Variants in SCFD1 observed in about 807,000 individuals in gnomAD.
SCFD1 encodes sec1 family domain-containing protein 1.
Under a neutral mutation model 103.2 loss-of-function variants are expected in SCFD1, and 37 were observed. The observed-to-expected ratio is 0.36, with a 90% CI of 0.28 to 0.47. The LOEUF (loss-of-function observed/expected upper bound fraction) is 0.47. SCFD1 is among the 20% of genes least tolerant of loss of function. The pLI, the probability that SCFD1 is intolerant of heterozygous loss-of-function variation, is 1.00. For synonymous variants in SCFD1, 264 were observed against 245.0 expected, an observed-to-expected ratio of 1.08 and a Z score of -0.73; for missense variants, 639 against 761.2, an observed-to-expected ratio of 0.84 and a Z score of 1.89.
intron 11 of SCFD1, among the ~76,000 whole-genome samples, chr14:30,673,045 A>T (rs565540060): frequency 6.6e-6 from 1 of 152,302 alleles, no homozygotes; most frequent in South Asian, 2.1e-4. Context: ...TGTATATTAT[A>T]TGCATTTTAA....
intron 8 of SCFD1, among the ~76,000 whole-genome samples, chr14:30,650,282 T>C (rs1886277561): frequency 6.6e-6 from 1 of 152,120 alleles, no homozygotes; most frequent in Admixed American, 6.5e-5. Flanking sequence ...GTGTGCGTCA[T>C]TACTGCAAAT....
chr14:30,666,183 A>C (rs1887949006), intron 10 of SCFD1, among the ~76,000 whole-genome samples: 1 of 152,104 alleles, frequency 6.6e-6, no homozygotes, highest in South Asian at 2.1e-4. Context: ...AATGTAAAAG[A>C]ACAGAAATCA....
chr14:30,719,882 A>T (rs1433400685), intron 21 of SCFD1, among the ~76,000 whole-genome samples: 1 of 145,072 alleles, frequency 6.9e-6, no homozygotes, highest in African/African-American at 2.6e-5. Context: ...CCTTATGGAT[A>T]TTATTTTTCA....
chr14:30,732,595 A>C (rs1174955697), intron 23 of SCFD1, among the ~76,000 whole-genome samples: 1 of 152,206 alleles, frequency 6.6e-6, no homozygotes, highest in East Asian at 1.9e-4. Flanking sequence ...CCTTCCTCAC[A>C]TCATTAGAAA....
chr14:30,731,522 C>T (rs1451276525), intron 23 of SCFD1, among the ~76,000 whole-genome samples: 1 of 152,088 alleles, frequency 6.6e-6, no homozygotes, highest in Non-Finnish European at 1.5e-5. Context: ...TCCTCTTTTA[C>T]TTCGTTGAGC....
chr14:30,710,212 T>C (rs1383906435), intron 19 of SCFD1, among the ~76,000 whole-genome samples: 1 of 151,844 alleles, frequency 6.6e-6, no homozygotes, highest in Non-Finnish European at 1.5e-5. Flanking sequence ...TTTTTTAATA[T>C]TGCAAATAAC....
At chr14:30,683,019 C>A in intron 14 of SCFD1, 2 of 1,268,050 alleles carry the variant, frequency 1.6e-6, no homozygotes, top group Non-Finnish European at 2.2e-6. Flanking sequence ...AAAAAGACGA[C>A]ACAAGGACAG....
chr14:30,627,876 ACTTAC>A (rs1883681295), intron 1 of SCFD1, among the ~76,000 whole-genome samples: 1 of 148,788 alleles, frequency 6.7e-6, no homozygotes, highest in African/African-American at 2.5e-5. Flanking sequence ...AAAAAAAAAG[ACTTAC>A]CTTAATCTAT....
chr14:30,637,599 G>T (rs187947466), intron 4 of SCFD1, among the ~76,000 whole-genome samples: 3 of 152,034 alleles, frequency 2.0e-5, no homozygotes, highest in African/African-American at 7.2e-5. Flanking sequence ...TGGTTATTTC[G>T]ATATCTATTT....
At chr14:30,633,907 G>T in intron 3 of SCFD1, 40 bp from the exon 4 acceptor site, 1 of 1,184,242 alleles carries the variant, frequency 8.4e-7, no homozygotes, top group Non-Finnish European at 1.2e-6. Flanking sequence ...TTTTAAATAA[G>T]TGAATAAAAA....
rs1401884927 is a variant in SCFD1 at position 30,630,513 on chromosome 14, TCTC to T, written c.173_175del (p.Pro58del). On this transcript the variant is annotated inframe_deletion, in exon 3 of 25. Transcript: ENST00000458591. ...TGACAGATTTGGCCAAGATATAATC[TCTC>T]CTCTGCTATCTGTGAAGGAGCTAAG... The T allele has an allele frequency of 6.2e-7, 1 of 1,604,890 alleles. No homozygotes were observed. Among genetic ancestry groups the T allele is most frequent in the Non-Finnish European group, 8.5e-7 (1 of 1,172,296 alleles).
intron 23 of SCFD1, among the ~76,000 whole-genome samples, chr14:30,729,427 C>A (rs1461972003): frequency 6.6e-6 from 1 of 152,110 alleles, no homozygotes. Flanking sequence ...CCAGTTGTTC[C>A]ACTGCCATCT....
chr14:30,646,239 T>G (rs1203136978), intron 7 of SCFD1, among the ~76,000 whole-genome samples: 1 of 151,666 alleles, frequency 6.6e-6, no homozygotes, highest in East Asian at 1.9e-4. Flanking sequence ...GTCAGGATGG[T>G]CTCAATCTCT....
chr14:30,624,081 G>A (rs2138962110), intron 1 of SCFD1, among the ~76,000 whole-genome samples: 1 of 152,228 alleles, frequency 6.6e-6, no homozygotes, highest in African/African-American at 2.4e-5. Flanking sequence ...CCTGTTTCTT[G>A]CTTTGCCTGC....
At chr14:30,643,224 T>C in intron 6 of SCFD1, 92 bp from the exon 7 acceptor site, 1 of 876,380 alleles carries the variant, frequency 1.1e-6, no homozygotes, top group East Asian at 2.5e-5. Flanking sequence ...TTATTATATG[T>C]CAATTAAGAA....
At chr14:30,715,759 G>A (rs1284919522) in intron 19 of SCFD1, 165 bp from the exon 20 acceptor site, 9 of 525,342 alleles carry the variant, frequency 1.7e-5, no homozygotes, top group African/African-American at 4.0e-5. Context: ...GTAGTGCCAA[G>A]AGTATTTACA....
intron 9 of SCFD1, chr14:30,652,483 C>T (rs1886492298): frequency 6.6e-6 from 1 of 151,928 alleles, no homozygotes; most frequent in Non-Finnish European, 1.5e-5. Context: ...AGGCTCTTCT[C>T]CAGAGTCTGC....
intron 10 of SCFD1, chr14:30,657,986 A>C (rs1028414674): frequency 9.9e-6 from 4 of 403,508 alleles, no homozygotes; most frequent in African/African-American, 8.5e-5. Context: ...AAAAAAGAAA[A>C]AGCAACTTTG....
At chr14:30,636,096 G>C (rs1388244101) in intron 4 of SCFD1, among the ~76,000 whole-genome samples, 1 of 152,002 alleles carries the variant, frequency 6.6e-6, no homozygotes. Flanking sequence ...TAATTGGGTT[G>C]TCTTTTTATT....
Sources: allele counts gnomAD v4.1 joint callset (sites outside exome capture counted in the v4.1 genomes callset), GRCh38; gene constraint gnomAD v4.1.1; transcripts MANE v1.5; gene names NCBI Gene and HGNC (gene_info 2026-07-23, HGNC 2026-07-21).